ASTN2: variants seen among roughly 807,000 people sequenced by gnomAD.
ASTN2 encodes the protein astrotactin 2.
A neutral mutation model predicts 139.8 loss-of-function variants in ASTN2; 54 were observed. The observed-to-expected ratio is 0.39, with a 90% CI of 0.31 to 0.48. The LOEUF is 0.48. Ranked by LOEUF, ASTN2 falls within the 20% of genes least tolerant of loss-of-function variation. The pLI, the probability that ASTN2 is intolerant of heterozygous loss-of-function variation, is 0.95. For synonymous variants in ASTN2, 756 were observed against 719.5 expected (o/e 1.05, Z -0.81); for missense variants, 1,565 against 1,725.1 (o/e 0.91, Z 1.64).
intron 4 of ASTN2, among the ~76,000 whole-genome samples, chr9:117,127,672 G>GTTTTTTTTTTTTTTTTTT (rs11427891): frequency 4.2e-5 from 3 of 70,890 alleles, no homozygotes; most frequent in Non-Finnish European, 7.5e-5. Flanking sequence ...TTTTGTTTTG[G>GTTTTTTTTTTTTTTTTTT]TTTTTTTTTT....
At chr9:116,469,029 G>A (rs776702912) in intron 20 of ASTN2, among the ~76,000 whole-genome samples, 7 of 152,112 alleles carry the variant, frequency 4.6e-5, no homozygotes, top group Non-Finnish European at 7.3e-5. Flanking sequence ...GGGCTGAAAG[G>A]CATTCTCTCG....
intron 16 of ASTN2, among the ~76,000 whole-genome samples, chr9:116,725,353 C>A (rs1194578865): frequency 6.6e-6 from 1 of 151,916 alleles, no homozygotes. Flanking sequence ...GAATTGAGTT[C>A]TTCTTGGGAG....
intron 19 of ASTN2, among the ~76,000 whole-genome samples, chr9:116,502,682 A>AGAAGGAAG (rs60618068): frequency 1.3e-3 from 123 of 96,442 alleles, no homozygotes; most frequent in African/African-American, 4.2e-3. Flanking sequence ...AAGAAAGGAA[A>AGAAGGAAG]GAAGGAAGGA....
intron 1 of ASTN2, among the ~76,000 whole-genome samples, chr9:117,406,353 C>T (rs1830988350): frequency 1.3e-5 from 2 of 152,172 alleles, no homozygotes; most frequent in Non-Finnish European, 2.9e-5. Flanking sequence ...ATAAGTCAGA[C>T]CTTGGCACTG....
chr9:116,694,627 ATTT>A (rs11340280), intron 16 of ASTN2, among the ~76,000 whole-genome samples: 2 of 128,026 alleles, frequency 1.6e-5, no homozygotes, highest in African/African-American at 3.0e-5. Flanking sequence ...CGCCCAGCTA[ATTT>A]TTTTTTTTTT....
chr9:116,563,112 A>T (rs970264751), intron 19 of ASTN2, among the ~76,000 whole-genome samples: 4 of 152,132 alleles, frequency 2.6e-5, no homozygotes, highest in Non-Finnish European at 5.9e-5. Context: ...GCGGTGGCTC[A>T]CACCTGTAAT....
At chr9:116,638,665 T>C (rs924787919) in intron 17 of ASTN2, among the ~76,000 whole-genome samples, 3 of 152,102 alleles carry the variant, frequency 2.0e-5, no homozygotes, top group African/African-American at 7.2e-5. Context: ...TGTGGGGAAC[T>C]CTGCAGCACA....
intron 17 of ASTN2, among the ~76,000 whole-genome samples, 195 bp downstream of exon 17, chr9:116,651,333 T>C (rs1204159455): frequency 6.6e-6 from 1 of 152,222 alleles, no homozygotes; most frequent in Non-Finnish European, 1.5e-5. Context: ...TAAGGGTTTA[T>C]TGTTTATAAC....
chr9:116,730,125 G>T (rs1048374787), intron 14 of ASTN2, among the ~76,000 whole-genome samples: 1 of 152,122 alleles, frequency 6.6e-6, no homozygotes, highest in Non-Finnish European at 1.5e-5. Flanking sequence ...ACATTAAAAA[G>T]ATGCTAGTCA....
At chr9:116,974,561 T>C (rs1258787170) in intron 10 of ASTN2, among the ~76,000 whole-genome samples, 1 of 142,454 alleles carries the variant, frequency 7.0e-6, no homozygotes, top group Non-Finnish European at 1.5e-5. Flanking sequence ...CAGGCTGGAG[T>C]GCAGTGGCTC....
chr9:116,961,971 G>A (rs574520694), intron 10 of ASTN2, among the ~76,000 whole-genome samples: 15 of 152,268 alleles, frequency 9.9e-5, no homozygotes, highest in African/African-American at 3.4e-4. Flanking sequence ...TTTCTACATT[G>A]CAAATATGGA....
At chr9:117,065,642 T>C (rs1020267055) in intron 5 of ASTN2, among the ~76,000 whole-genome samples, 2 of 152,168 alleles carry the variant, frequency 1.3e-5, no homozygotes, top group African/African-American at 4.8e-5. Context: ...TCCATACAGG[T>C]GTTGAGGAAA....
At chr9:116,745,232 C>T (rs1478525473) in intron 13 of ASTN2, among the ~76,000 whole-genome samples, 2 of 152,138 alleles carry the variant, frequency 1.3e-5, no homozygotes, top group African/African-American at 2.4e-5. Flanking sequence ...ACTACCAATC[C>T]CTATTCTTAG....
At chr9:117,185,760 T>C (rs1588052788) in intron 3 of ASTN2, among the ~76,000 whole-genome samples, 1 of 151,778 alleles carries the variant, frequency 6.6e-6, no homozygotes, top group Admixed American at 6.6e-5. Flanking sequence ...GTAGAAGCCA[T>C]GGGCATGCAG....
At chr9:116,754,173 G>A (rs1395988802) in intron 13 of ASTN2, among the ~76,000 whole-genome samples, 1 of 152,162 alleles carries the variant, frequency 6.6e-6, no homozygotes, top group Non-Finnish European at 1.5e-5. Context: ...GTATTCCATG[G>A]TGTATATGTG....
intron 19 of ASTN2, among the ~76,000 whole-genome samples, chr9:116,491,077 G>T (rs1440216077): frequency 6.6e-6 from 1 of 152,178 alleles, no homozygotes; most frequent in Non-Finnish European, 1.5e-5. Flanking sequence ...AGGTTTGCAG[G>T]TTTAATTCAA....
chr9:117,239,072 C>T (rs1833131575), intron 2 of ASTN2, among the ~76,000 whole-genome samples: 1 of 152,120 alleles, frequency 6.6e-6, no homozygotes, highest in Non-Finnish European at 1.5e-5. Context: ...GTTTATCTGC[C>T]TTGTCCAAGG....
chr9:116,936,147 TACCACCACCTC>T (rs1835068066), intron 10 of ASTN2, among the ~76,000 whole-genome samples: 11 of 32,812 alleles, frequency 3.4e-4, no homozygotes, highest in South Asian at 1.6e-3. Flanking sequence ...CTGCCACCAA[TACCACCACCTC>T]CATCACTACC....
At chr9:116,879,883 C>T (rs531281895) in intron 10 of ASTN2, among the ~76,000 whole-genome samples, 1 of 152,214 alleles carries the variant, frequency 6.6e-6, no homozygotes, top group African/African-American at 2.4e-5. Flanking sequence ...CTGATGAAGC[C>T]TATGAAGCCT....
Sources: gnomAD v4.1 joint callset for allele counts (sites outside exome capture counted in the v4.1 genomes callset) on GRCh38, gnomAD v4.1.1 for gene constraint, MANE v1.5 for transcripts, NCBI Gene and HGNC (gene_info 2026-07-23, HGNC 2026-07-21) for gene names.